The following ANK2 variants were observed in gnomAD, a reference collection of about 807,000 sequenced individuals.
ANK2 encodes ankyrin-2.
In ANK2, 83 loss-of-function variants were observed where a neutral mutation model predicts 360.5. The observed-to-expected ratio is 0.23, with a 90% CI of 0.19 to 0.28. The LOEUF (loss-of-function observed/expected upper bound fraction) is 0.28. ANK2 is among the 10% of genes least tolerant of loss of function. The pLI, the probability that ANK2 is intolerant of heterozygous loss-of-function variation, is 1.00. For synonymous variants in ANK2, 1,740 were observed against 1,759.5 expected, an observed-to-expected ratio of 0.99 and a Z score of 0.28; for missense variants, 4,201 against 4,795.7, an observed-to-expected ratio of 0.88 and a Z score of 3.66.
the ANK2 span, among the ~76,000 whole-genome samples, chr4:112,770,445 CCT>C: frequency 6.6e-6 from 1 of 152,208 alleles, no homozygotes; most frequent in Non-Finnish European, 1.5e-5. Flanking sequence ...GTGGCACCTG[CCT>C]CTAATCCCAG....
chr4:113,229,236 A>G (rs530344910), intron 4 of ANK2, among the ~76,000 whole-genome samples: 2 of 152,338 alleles, frequency 1.3e-5, no homozygotes, highest in South Asian at 4.1e-4. Flanking sequence ...ACTAAAACCA[A>G]GATGTTGGCA....
chr4:113,206,891 G>T (rs545297787), intron 4 of ANK2, among the ~76,000 whole-genome samples: 1 of 152,280 alleles, frequency 6.6e-6, no homozygotes, highest in African/African-American at 2.4e-5. Flanking sequence ...GGGCTTGGTG[G>T]TGGGTGCTTG....
intron 23 of ANK2, among the ~76,000 whole-genome samples, chr4:113,303,351 A>G (rs777072943): frequency 1.1e-4 from 16 of 152,236 alleles, no homozygotes; most frequent in Non-Finnish European, 1.3e-4. Flanking sequence ...ATAGTACAGC[A>G]GGAAGTAGTA....
intron 2 of ANK2, chr4:113,034,414 A>G (rs2061121509): frequency 6.6e-6 from 1 of 152,056 alleles, no homozygotes; most frequent in Non-Finnish European, 1.5e-5. Context: ...CTGGAAAGAA[A>G]ATATTCAGGA....
At chr4:113,266,242 T>C (rs1199840828) in intron 14 of ANK2, among the ~76,000 whole-genome samples, 1 of 152,236 alleles carries the variant, frequency 6.6e-6, no homozygotes, top group African/African-American at 2.4e-5. Context: ...TTGCTGAGAA[T>C]GATGGCTTCC....
At chr4:112,848,551 C>T (rs1375018491) in intron 1 of ANK2, among the ~76,000 whole-genome samples, 4 of 152,202 alleles carry the variant, frequency 2.6e-5, no homozygotes, top group Non-Finnish European at 4.4e-5. Context: ...CCTTCTCAAA[C>T]GTCACTTCTA....
chr4:113,303,245 T>C (rs185552769), intron 23 of ANK2, among the ~76,000 whole-genome samples: 1 of 152,298 alleles, frequency 6.6e-6, no homozygotes, highest in Admixed American at 6.5e-5. Flanking sequence ...CATCAATGAG[T>C]GTTCTTCAAT....
chr4:112,963,807 CATT>C (rs1245559466), intron 2 of ANK2, among the ~76,000 whole-genome samples: 1 of 151,826 alleles, frequency 6.6e-6, no homozygotes, highest in African/African-American at 2.4e-5. Flanking sequence ...AAACATCTAA[CATT>C]ATTTTGAAAC....
intron 1 of ANK2, among the ~76,000 whole-genome samples, chr4:113,134,499 C>A (rs931093280): frequency 6.6e-6 from 1 of 151,746 alleles, no homozygotes; most frequent in Non-Finnish European, 1.5e-5. Flanking sequence ...AAATTGATCC[C>A]CCCTTATCTT....
the ANK2 span, among the ~76,000 whole-genome samples, chr4:112,736,960 T>C: frequency 6.6e-6 from 1 of 152,146 alleles, no homozygotes; most frequent in African/African-American, 2.4e-5. Flanking sequence ...TAGTGGTAAG[T>C]AGTGGTGGTG....
intron 1 of ANK2, among the ~76,000 whole-genome samples, chr4:112,862,874 ACT>A (rs543114647): frequency 2.0e-5 from 3 of 151,444 alleles, no homozygotes; most frequent in African/African-American, 4.9e-5. Flanking sequence ...ACATAGCAAG[ACT>A]CTCTCTCTTA....
chr4:113,370,555 C>A (rs185579226), intron 43 of ANK2, among the ~76,000 whole-genome samples: 2 of 151,960 alleles, frequency 1.3e-5, no homozygotes, highest in Non-Finnish European at 2.9e-5. Context: ...GTCAGGAGAT[C>A]GAGACCATCC....
rs112547332 is a variant in ANK2 at position 113,037,596 on chromosome 4, G to A, written c.21+133082G>A. 6.3e-3 allele frequency among the ~76,000 whole-genome samples: 964 copies of A among 151,978 alleles called. 12 individuals are homozygous for A. Among genetic ancestry groups the A allele is most frequent in the African/African-American group, 0.022 (910 of 41,504 alleles). ...CATACTTTGGTTCCTAAGTTTTTTT[G>A]TGTAGGACTTGATGAAATTTCTTGA... On this transcript the variant is annotated intron_variant, in intron 2 of 30. Transcript: ENST00000503271.
chr4:113,260,276 T>A (rs535134386), intron 13 of ANK2, among the ~76,000 whole-genome samples: 2 of 152,338 alleles, frequency 1.3e-5, no homozygotes, highest in East Asian at 3.9e-4. Flanking sequence ...GGGGTACATG[T>A]ATATTTTCAA....
chr4:113,282,036 G>A (rs2062607583), intron 17 of ANK2, among the ~76,000 whole-genome samples: 1 of 152,142 alleles, frequency 6.6e-6, no homozygotes, highest in Admixed American at 6.6e-5. Flanking sequence ...CATATTCTAG[G>A]CACTCAGTAA....
At chr4:112,735,931 T>C in the ANK2 span, among the ~76,000 whole-genome samples, 4 of 152,198 alleles carry the variant, frequency 2.6e-5, no homozygotes, top group African/African-American at 7.2e-5. Context: ...AATCATTCAG[T>C]ATTTGTCTTT....
chr4:113,238,271 A>G lies in ANK2; in HGVS notation c.693+649A>G, dbSNP rs146798981. ...TGTATTTAGTAGTCTCTCCTTGGCC[A>G]TTGCTACAGAGAGAGACACTAACAC... On this transcript the variant is annotated intron_variant, in intron 7 of 45. Coordinates refer to ENST00000357077, the MANE Select transcript of ANK2 (RefSeq NM_001148.6). Among the ~76,000 whole-genome samples the G allele has an allele frequency of 4.7e-3, 713 of 152,288 alleles. 3 individuals carry two copies. The highest frequency in any genetic ancestry group is 0.016 in the African/African-American group (665 of 41,570).
intron 1 of ANK2, among the ~76,000 whole-genome samples, chr4:112,821,921 C>T (rs28607631): frequency 0.3 from 44,833 of 151,672 alleles, 6,734 homozygotes; most frequent in East Asian, 0.35. Flanking sequence ...GTGTGTGCCA[C>T]CACGCCCAGC....
At position 113,085,397 on chromosome 4, in the gene ANK2, T is replaced by C. The variant is rs191525144; in HGVS notation, c.84+35585T>C. On this transcript the variant is annotated intron_variant, in intron 1 of 45. Coordinates refer to ENST00000357077, the MANE Select transcript of ANK2 (RefSeq NM_001148.6). The stretch of plus-strand genomic sequence containing the variant: ...GGCCCAATCTTGGCTCACTGCAACC[T>C]CCACCTCCCAGGTTCAAGCAATTCT... 4.7e-4 allele frequency among the ~76,000 whole-genome samples: 72 copies of C among 152,088 alleles called. No homozygotes were observed. In the East Asian group the frequency reaches 0.014, roughly 29 times the overall value.
Sources: allele counts gnomAD v4.1 joint callset (sites outside exome capture counted in the v4.1 genomes callset), GRCh38; gene constraint gnomAD v4.1.1; transcripts MANE v1.5; gene names NCBI Gene and HGNC (gene_info 2026-07-23, HGNC 2026-07-21).